ENPP6: variants seen among roughly 807,000 people sequenced by gnomAD.
The protein encoded by ENPP6 is glycerophosphocholine cholinephosphodiesterase ENPP6.
ENPP6 carries 32 observed loss-of-function variants against 42.0 expected under a neutral mutation model. The ratio of observed to expected loss-of-function variants is 0.76; its 90% CI spans 0.58 to 1.02. The LOEUF (loss-of-function observed/expected upper bound fraction) is 1.02, where lower values mean the gene tolerates loss of function less well. ENPP6 is among the 50% of genes least tolerant of loss of function. ENPP6 has a pLI of 0.00. For missense variants in ENPP6, 552 were observed against 566.8 expected (o/e 0.97, Z 0.27); for synonymous variants, 213 against 216.0 (o/e 0.99, Z 0.12).
intron 1 of ENPP6, among the ~76,000 whole-genome samples, chr4:184,202,036 T>C (rs995602319): frequency 5.3e-5 from 8 of 152,214 alleles, no homozygotes; most frequent in Admixed American, 3.3e-4. Context: ...TGGGGTCCAC[T>C]AGGACCCACA....
chr4:184,161,904 A>T (rs1242918027), intron 1 of ENPP6, among the ~76,000 whole-genome samples: 6 of 152,152 alleles, frequency 3.9e-5, no homozygotes, highest in Non-Finnish European at 8.8e-5. Context: ...GGGGTGAGGG[A>T]CAAAAGACTA....
At chr4:184,205,241 TA>T (rs1732975155) in intron 1 of ENPP6, among the ~76,000 whole-genome samples, 1 of 152,178 alleles carries the variant, frequency 6.6e-6, no homozygotes, top group African/African-American at 2.4e-5. Flanking sequence ...CCCACTATAA[TA>T]AGTTTTATTT....
chr4:184,133,715 G>C (rs2111361735), intron 2 of ENPP6, among the ~76,000 whole-genome samples: 1 of 150,360 alleles, frequency 6.7e-6, no homozygotes, highest in African/African-American at 2.4e-5. Context: ...TTTTTTGGTA[G>C]ATATCCTTTA....
At chr4:184,159,438 T>C (rs1015042532) in intron 1 of ENPP6, among the ~76,000 whole-genome samples, 2 of 152,160 alleles carry the variant, frequency 1.3e-5, no homozygotes, top group African/African-American at 4.8e-5. Context: ...CAGCAGACTA[T>C]GAAAGAAGTG....
chr4:184,208,288 T>C (rs1370737677), intron 1 of ENPP6, among the ~76,000 whole-genome samples: 1 of 152,154 alleles, frequency 6.6e-6, no homozygotes, highest in Non-Finnish European at 1.5e-5. Flanking sequence ...GCGTGAGCGA[T>C]GCAGAAGATG....
intron 1 of ENPP6, among the ~76,000 whole-genome samples, chr4:184,194,138 G>A (rs901295111): frequency 6.6e-6 from 1 of 152,130 alleles, no homozygotes; most frequent in Non-Finnish European, 1.5e-5. Context: ...CATCTACTCA[G>A]ATGATTTCCC....
intron 1 of ENPP6, among the ~76,000 whole-genome samples, chr4:184,185,420 ACCTGT>A (rs1337820522): frequency 1.1e-4 from 17 of 151,960 alleles, no homozygotes; most frequent in Non-Finnish European, 2.2e-4. Context: ...CAAAACACAA[ACCTGT>A]GGGGACACCC....
At chr4:184,193,944 C>T (rs995686858) in intron 1 of ENPP6, among the ~76,000 whole-genome samples, 8 of 152,168 alleles carry the variant, frequency 5.3e-5, no homozygotes, top group African/African-American at 1.7e-4. Flanking sequence ...CTATTAGAAG[C>T]TTTGCCTTTC....
intron 6 of ENPP6, among the ~76,000 whole-genome samples, chr4:184,103,844 T>G (rs1311440243): frequency 6.6e-6 from 1 of 152,152 alleles, no homozygotes; most frequent in South Asian, 2.1e-4. Context: ...TGCTCAGGCC[T>G]CGGCCTGCTG....
chr4:184,192,150 C>G (rs921744417), intron 1 of ENPP6, among the ~76,000 whole-genome samples: 1 of 152,128 alleles, frequency 6.6e-6, no homozygotes, highest in Non-Finnish European at 1.5e-5. Flanking sequence ...TATGAAAGTA[C>G]AAGTGACTTG....
intron 4 of ENPP6, 56 bp from the exon 5 acceptor site, chr4:184,117,091 A>G (rs1026895989): frequency 2.5e-6 from 4 of 1,593,232 alleles, no homozygotes; most frequent in Non-Finnish European, 1.7e-6. Context: ...TCGTGCACTC[A>G]GAAAACCTTG....
intron 5 of ENPP6, among the ~76,000 whole-genome samples, chr4:184,115,187 T>C (rs1560982368): frequency 6.6e-6 from 1 of 152,154 alleles, no homozygotes; most frequent in Non-Finnish European, 1.5e-5. Context: ...GCAGTGAGGA[T>C]GGAGAGAGAA....
intron 2 of ENPP6, among the ~76,000 whole-genome samples, chr4:184,130,587 T>TG (rs1166303848): frequency 6.9e-6 from 1 of 145,934 alleles, no homozygotes; most frequent in Non-Finnish European, 1.5e-5. Context: ...AAAAAGAGCT[T>TG]GGGTTTTAAA....
At chr4:184,209,318 AAAG>A (rs1733070305) in intron 1 of ENPP6, among the ~76,000 whole-genome samples, 1 of 147,782 alleles carries the variant, frequency 6.8e-6, no homozygotes, top group African/African-American at 2.5e-5. Flanking sequence ...AACCAAAGGC[AAAG>A]AAGTTGAAAA....
At chr4:184,119,923 T>C (rs1347946744) in intron 3 of ENPP6, among the ~76,000 whole-genome samples, 2 of 152,232 alleles carry the variant, frequency 1.3e-5, no homozygotes, top group South Asian at 2.1e-4. Context: ...CCTGTAGAAC[T>C]GCGAGTCAAT....
At chr4:184,175,406 A>G (rs1269456834) in intron 1 of ENPP6, among the ~76,000 whole-genome samples, 16 of 152,188 alleles carry the variant, frequency 1.1e-4, no homozygotes, top group Admixed American at 9.8e-4. Context: ...ACTGAATGAA[A>G]GGCAGCCATT....
chr4:184,138,332 A>C (rs759597072), intron 2 of ENPP6, among the ~76,000 whole-genome samples: 2 of 152,236 alleles, frequency 1.3e-5, no homozygotes, highest in Non-Finnish European at 2.9e-5. Flanking sequence ...CCAAAATCAC[A>C]CAGTGATCTA....
At chr4:184,207,858 C>T (rs956902994) in intron 1 of ENPP6, among the ~76,000 whole-genome samples, 3 of 152,210 alleles carry the variant, frequency 2.0e-5, no homozygotes, top group Non-Finnish European at 2.9e-5. Flanking sequence ...AAGGTGTTAG[C>T]AGCATTGGTG....
At chr4:184,113,906 T>TCTTC (rs1736259253) in intron 5 of ENPP6, among the ~76,000 whole-genome samples, 2 of 101,684 alleles carry the variant, frequency 2.0e-5, no homozygotes, top group Admixed American at 1.0e-4. Flanking sequence ...TTCTTTTCTT[T>TCTTC]CTTTCTTTCT....
Sources: allele counts gnomAD v4.1 joint callset (sites outside exome capture counted in the v4.1 genomes callset), GRCh38; gene constraint gnomAD v4.1.1; transcripts MANE v1.5; gene names NCBI Gene and HGNC (gene_info 2026-07-23, HGNC 2026-07-21).